The following SERPINB6 variants were observed in gnomAD, a reference collection of about 807,000 sequenced individuals.
SERPINB6 encodes serpin family B member 6.
A neutral mutation model predicts 26.1 loss-of-function variants in SERPINB6; 16 were observed. The observed-to-expected ratio is 0.61, with a 90% CI of 0.42 to 0.93. SERPINB6 has a LOEUF of 0.93. SERPINB6 is among the 40% of genes least tolerant of loss of function. The probability of loss-of-function intolerance (pLI) is 0.00; values close to 1 mark genes in which losing one functional copy is unlikely to be tolerated. For synonymous variants in SERPINB6, 174 were observed against 176.6 expected (o/e 0.99, Z 0.11); for missense variants, 420 against 478.0 (o/e 0.88, Z 1.13).
rs756395142 is a variant in SERPINB6 at position 2,948,548 on chromosome 6, G to T, written c.881C>A (p.Ala294Asp). Residue 294 changes from alanine (A) to aspartate (D), a missense_variant, in exon 7 of 7, where the codon GCC (alanine) becomes GAC (aspartate). Ala to Asp is a moderately radical substitution (Grantham distance 126, BLOSUM62 -2). Transcript: ENST00000380539. This position sits in a 1 kb window ranked among gnomAD's most constrained non-coding sequence, Gnocchi z 5.0. ...GAAGTCTGCCTTGCCCAGCTCGAAG[G>T]CATCAGTCATGCCCAGGTTGCGCAG... Reference protein sequence around the residue: ...SVLRNLGMTDAFELGKADFSG... With the variant: ...SVLRNLGMTDDFELGKADFSG... 5 of 1,614,164 alleles carry T rather than the reference G, an allele frequency of 3.1e-6. No homozygotes were observed. The East Asian group carries it at 1.1e-4, about 36-fold the overall frequency.
At position 2,959,556 on chromosome 6, in the gene SERPINB6, G is replaced by T. The variant is rs1051622448; in HGVS notation, c.-10-214C>A. On this transcript the variant is annotated intron_variant, in intron 1 of 6. Coordinates refer to ENST00000380539, the MANE Select transcript of SERPINB6 (RefSeq NM_004568.6). ...ATGAAAGAGTTCTATGTGAAACGCC[G>T]CCCTGTTTTGTGAGGACTCCTCCCT... The T allele has an allele frequency of 1.7e-5, 10 of 580,826 alleles. No homozygotes were observed. The Admixed American group carries it at 1.9e-4, about 11-fold the overall frequency. 36.0% of individuals were successfully genotyped at this position (580,826 alleles called of 1,614,324 possible).
At chr6:2,970,838 A>G in intron 1 of SERPINB6, 2 of 1,231,042 alleles carry the variant, frequency 1.6e-6, no homozygotes, top group Non-Finnish European at 2.0e-6. Context: ...TAGGGAGTTT[A>G]ATTCAAACAC....
Position 2,948,709 on chromosome 6 carries a change from G to A in SERPINB6, c.730-10C>T, listed in dbSNP as rs1273957521. On this transcript the variant is annotated splice_polypyrimidine_tract_variant and intron_variant, in intron 6 of 6. Transcript: ENST00000380539. The surrounding 1 kb of genome is among the most constrained non-coding windows in gnomAD (Gnocchi z 5.0). ...TGAGTTCTTTCTCCACCTAGAGGGA[G>A]ACAGTTGAAGACTTTAAGACCCAGG... 6.2e-6 allele frequency: 10 copies of A among 1,613,552 alleles called. No homozygotes were observed. Among genetic ancestry groups the A allele is most frequent in the Non-Finnish European group, 8.5e-6 (10 of 1,179,610 alleles).
intron 1 of SERPINB6, chr6:2,970,334 G>T (rs7743193): frequency 1.0e-6 from 1 of 989,904 alleles, no homozygotes; most frequent in African/African-American, 1.7e-5. Context: ...AGTCGAGTAT[G>T]ACCAAAGTAC....
Position 2,949,001 on chromosome 6 carries a change from T to A in SERPINB6, c.642A>T (p.Ile214=). 1.2e-6 allele frequency: 2 copies of A among 1,614,202 alleles called. No individual in the cohort carries two copies. ...ATGGAAGCACCAAGATTTGGGTAAATATTTCTCCTATATAGGTCTTCTTAA... is the reference window on the plus strand; with the variant it reads ...ATGGAAGCACCAAGATTTGGGTAAAAATTTCTCCTATATAGGTCTTCTTAA... ...STFKKTYIGE[I]FTQILVLPYV... The change falls in exon 6 of 7, where the codon ATA becomes ATT. Residue 214 remains isoleucine (I), a synonymous_variant. Coordinates refer to ENST00000380539, the MANE Select transcript of SERPINB6 (RefSeq NM_004568.6).
rs318426 is a variant in SERPINB6 at position 2,948,731 on chromosome 6, C to T, written c.730-32G>A. ...GGAGACAGTTGAAGACTTTAAGACC[C>T]AGGGTGCTGCTGCCCAGCAGGGCCC... On this transcript the variant is annotated intron_variant, in intron 6 of 6. Transcript: ENST00000380539. This position sits in a 1 kb window ranked among gnomAD's most constrained non-coding sequence, Gnocchi z 5.0. The T allele has an allele frequency of 0.84, 1,348,838 of 1,608,210 alleles. 566,999 individuals carry two copies. Among genetic ancestry groups the T allele is most frequent in the East Asian group, 0.96 (42,916 of 44,824 alleles).
At chr6:2,968,958 T>C (rs367627107) in intron 1 of SERPINB6, 1 of 1,222,026 alleles carries the variant, frequency 8.2e-7, no homozygotes. Flanking sequence ...GGGGGGCTTC[T>C]ACTGGATCTG....
chr6:2,971,283 C>A, intron 1 of SERPINB6: 1 of 715,890 alleles, frequency 1.4e-6, no homozygotes, highest in Non-Finnish European at 1.7e-6. Flanking sequence ...CTGCGAGGCT[C>A]CGGAAGGGAA....
intron 5 of SERPINB6, among the ~76,000 whole-genome samples, chr6:2,951,380 C>CT (rs1182384616): frequency 7.2e-6 from 1 of 139,704 alleles, no homozygotes; most frequent in Admixed American, 7.7e-5. Flanking sequence ...GAGAGAAACT[C>CT]TGTCTTGGAA....
At chr6:2,965,498 CAT>C (rs1430463341) in intron 1 of SERPINB6, among the ~76,000 whole-genome samples, 1 of 152,124 alleles carries the variant, frequency 6.6e-6, no homozygotes, top group Non-Finnish European at 1.5e-5. Context: ...GTGTTGATGA[CAT>C]ATTTTAATAT....
intron 1 of SERPINB6, among the ~76,000 whole-genome samples, chr6:2,964,546 G>GT (rs1397920118): frequency 5.3e-5 from 8 of 152,112 alleles, no homozygotes; most frequent in African/African-American, 1.7e-4. Context: ...TAATTTTTAT[G>GT]TTTTTTGTGT....
chr6:2,968,719 C>T (rs980614803), intron 1 of SERPINB6: 4 of 1,231,220 alleles, frequency 3.2e-6, no homozygotes, highest in African/African-American at 1.6e-5. Flanking sequence ...TCCTAACAAC[C>T]CTTGGATGTC....
chr6:2,964,627 AATT>A (rs1771447617), intron 1 of SERPINB6, among the ~76,000 whole-genome samples: 1 of 152,122 alleles, frequency 6.6e-6, no homozygotes, highest in African/African-American at 2.4e-5. Context: ...CTTTTTATGA[AATT>A]ACTATATATA....
At chr6:2,958,985 G>A (rs1770797948) in intron 2 of SERPINB6, among the ~76,000 whole-genome samples, 183 bp downstream of exon 2, 1 of 152,102 alleles carries the variant, frequency 6.6e-6, no homozygotes, top group Non-Finnish European at 1.5e-5. Context: ...ACCCCAGGGG[G>A]TCAGTCAGGG....
In SERPINB6 at chr6:2,953,176, C is replaced by T. The variant is rs201913568; in HGVS notation, c.441G>A (p.Ala147=). 45 of 1,614,200 alleles carry T rather than the reference C, an allele frequency of 2.8e-5. No individual in the cohort carries two copies. In the Admixed American group the frequency reaches 3.3e-4, roughly 12 times the overall value. ...CCACTGAGCCCGGAGAGAGCAACTC[C>T]GCAATTTTACCTGAGCGGAAGAATT... The part of the protein sequence containing the change: ...WVAEKTEGKI[A]ELLSPGSVDP... The change falls in exon 5 of 7, where the codon GCG becomes GCA. Residue 147 remains alanine, a synonymous_variant. Transcript: ENST00000380539.
At chr6:2,959,608 T>C (rs920016665) in intron 1 of SERPINB6, 3 of 488,880 alleles carry the variant, frequency 6.1e-6, no homozygotes, top group Non-Finnish European at 1.1e-5. Context: ...GTGGAGAAAG[T>C]GGGAAGGAGG....
chr6:2,964,632 C>A (rs1771448148), intron 1 of SERPINB6, among the ~76,000 whole-genome samples: 1 of 152,010 alleles, frequency 6.6e-6, no homozygotes, highest in South Asian at 2.1e-4. Context: ...TATGAAATTA[C>A]TATATATACA....
upstream of SERPINB6, chr6:2,971,767 C>G (rs1370791387): frequency 6.6e-6 from 1 of 152,256 alleles, no homozygotes; most frequent in African/African-American, 2.4e-5. Flanking sequence ...GCCCCACCAG[C>G]GTGTTTATGG....
At chr6:2,955,201 AAC>A in intron 3 of SERPINB6, 2 of 269,746 alleles carry the variant, frequency 7.4e-6, no homozygotes, top group Non-Finnish European at 1.4e-5. Context: ...AAAAAAAAAA[AAC>A]AAAAAAAAAA....
Sources: allele counts gnomAD v4.1 joint callset (sites outside exome capture counted in the v4.1 genomes callset), GRCh38; gene constraint gnomAD v4.1.1; non-coding constraint Gnocchi (gnomAD v3.1); transcripts MANE v1.5; gene names NCBI Gene and HGNC (gene_info 2026-07-23, HGNC 2026-07-21).